Variants in PCSK6 observed in about 807,000 individuals in gnomAD.
PCSK6 encodes proprotein convertase subtilisin/kexin type 6, also known as paired basic amino acid cleaving enzyme 4.
PCSK6 carries 85 observed loss-of-function variants against 123.3 expected under a neutral mutation model. That is an observed-to-expected ratio of 0.69 (90% confidence interval 0.58 to 0.83). The LOEUF (loss-of-function observed/expected upper bound fraction) is 0.83. PCSK6 is among the 40% of genes least tolerant of loss of function. The pLI, the probability that PCSK6 is intolerant of heterozygous loss-of-function variation, is 0.00. For synonymous variants in PCSK6, 508 were observed against 516.0 expected (o/e 0.98, Z 0.21); for missense variants, 1,191 against 1,282.3 (o/e 0.93, Z 1.09).
At chr15:101,368,956 C>G (rs566104127) in intron 12 of PCSK6, among the ~76,000 whole-genome samples, 1 of 152,224 alleles carries the variant, frequency 6.6e-6, no homozygotes, top group African/African-American at 2.4e-5. Flanking sequence ...TGCTCGTGCC[C>G]GTGTGAGACC....
chr15:101,329,375 C>T (rs938184769), intron 15 of PCSK6, among the ~76,000 whole-genome samples: 2 of 152,236 alleles, frequency 1.3e-5, no homozygotes, highest in African/African-American at 4.8e-5. Context: ...GAACAGCACA[C>T]CAGAACCTCA....
chr15:101,432,160 CT>C, intron 2 of PCSK6, 60 bp from the exon 3 acceptor site: 1 of 1,391,838 alleles, frequency 7.2e-7, no homozygotes, highest in East Asian at 2.4e-5. Flanking sequence ...TTTATGTAGC[CT>C]CTTTGCAGGT....
In PCSK6 at chr15:101,476,064, C is replaced by G. The variant is rs111236988; in HGVS notation, c.297+13310G>C. 2.0e-3 allele frequency among the ~76,000 whole-genome samples: 301 copies of G among 152,322 alleles called. 3 individuals are homozygous for G. The highest frequency in any genetic ancestry group is 5.8e-3 in the African/African-American group (241 of 41,580). ...GACTATTCGGGTTCAAATCTTGGCT[C>G]TGGCACCTACAAGTTGTGTAACTGG... is the stretch of plus-strand genomic sequence containing the variant. On this transcript the variant is annotated intron_variant, in intron 1 of 21. Transcript: ENST00000611716.
At chr15:101,455,192 TCC>T (rs1376844473) in intron 1 of PCSK6, among the ~76,000 whole-genome samples, 2 of 152,144 alleles carry the variant, frequency 1.3e-5, no homozygotes, top group African/African-American at 2.4e-5. Flanking sequence ...CTGCATTCTG[TCC>T]CCACCTTTCC....
intron 7 of PCSK6, among the ~76,000 whole-genome samples, chr15:101,394,144 G>T (rs55738067): frequency 0.23 from 31,981 of 141,060 alleles, 4,006 homozygotes; most frequent in East Asian, 0.43. Context: ...TTTGTTTTTT[G>T]TTTTTTTTTT....
At chr15:101,489,340 A>G in intron 1 of PCSK6, 34 bp downstream of exon 1, 1 of 1,112,196 alleles carries the variant, frequency 9.0e-7, no homozygotes, top group Non-Finnish European at 1.1e-6. Context: ...GGCCGCCGGG[A>G]AAGTTTTGGG....
At chr15:101,425,855 G>A (rs1051369100) in intron 6 of PCSK6, among the ~76,000 whole-genome samples, 3 of 152,156 alleles carry the variant, frequency 2.0e-5, no homozygotes, top group African/African-American at 4.8e-5. Context: ...GGATCTTTAT[G>A]CATGTTACTT....
At chr15:101,466,545 G>C (rs1241376606) in intron 1 of PCSK6, among the ~76,000 whole-genome samples, 1 of 152,168 alleles carries the variant, frequency 6.6e-6, no homozygotes, top group Non-Finnish European at 1.5e-5. Context: ...ACTTGCACGT[G>C]AATATCCACA....
intron 9 of PCSK6, among the ~76,000 whole-genome samples, chr15:101,387,389 C>T (rs1041965414): frequency 6.6e-6 from 1 of 152,198 alleles, no homozygotes; most frequent in African/African-American, 2.4e-5. Context: ...TCGAAGACGG[C>T]TACAGCCAGT....
chr15:101,307,867 GT>G (rs1333954447), intron 20 of PCSK6: 1 of 158,188 alleles, frequency 6.3e-6, no homozygotes. Context: ...CTCTCGGACG[GT>G]CCTGGCCCAG....
intron 6 of PCSK6, among the ~76,000 whole-genome samples, chr15:101,403,770 A>G (rs562454066): frequency 3.4e-4 from 52 of 152,202 alleles, no homozygotes; most frequent in African/African-American, 1.2e-3. Flanking sequence ...CCCAGGTTGG[A>G]GGACAGTGGC....
chr15:101,453,128 G>A (rs564531768), intron 1 of PCSK6, among the ~76,000 whole-genome samples: 93 of 152,288 alleles, frequency 6.1e-4, no homozygotes, highest in Admixed American at 2.7e-3. Context: ...GCTGAGAAGC[G>A]GCGACAGACT....
At chr15:101,326,595 GC>G (rs2040259492) in intron 15 of PCSK6, 116 bp from the exon 16 acceptor site, 1 of 984,436 alleles carries the variant, frequency 1.0e-6, no homozygotes, top group Non-Finnish European at 1.5e-6. Context: ...ACGCTCCCAG[GC>G]CCCGCTGGGG....
At chr15:101,402,023 G>A (rs1042106477) in intron 6 of PCSK6, among the ~76,000 whole-genome samples, 5 of 151,830 alleles carry the variant, frequency 3.3e-5, no homozygotes, top group African/African-American at 9.7e-5. Flanking sequence ...CAAACTATAC[G>A]ACAAGGCTAC....
intron 15 of PCSK6, among the ~76,000 whole-genome samples, chr15:101,328,976 T>G (rs1042532658): frequency 6.6e-6 from 1 of 152,268 alleles, no homozygotes; most frequent in African/African-American, 2.4e-5. Flanking sequence ...GCAACCATGA[T>G]GTTTGTGTTG....
At chr15:101,322,763 G>A (rs923408949) in intron 17 of PCSK6, among the ~76,000 whole-genome samples, 156 bp from the exon 18 acceptor site, 35 of 152,184 alleles carry the variant, frequency 2.3e-4, no homozygotes, top group Admixed American at 2.1e-3. Context: ...GCCAGAGGCC[G>A]CTTGTACCTG....
chr15:101,365,856 CA>C (rs1403669248), intron 13 of PCSK6: 1 of 189,998 alleles, frequency 5.3e-6, no homozygotes, highest in African/African-American at 2.3e-5. Flanking sequence ...CCAGGAGAGG[CA>C]AATCCAAAGA....
chr15:101,426,214 A>G (rs2056249934), intron 6 of PCSK6, among the ~76,000 whole-genome samples: 3 of 152,206 alleles, frequency 2.0e-5, no homozygotes, highest in Admixed American at 2.0e-4. Flanking sequence ...ACTTAGCCCA[A>G]GCCGATGGTT....
intron 1 of PCSK6, among the ~76,000 whole-genome samples, 179 bp from the exon 2 acceptor site, chr15:101,443,839 TGG>T (rs2141154142): frequency 6.6e-6 from 1 of 152,344 alleles, no homozygotes; most frequent in South Asian, 2.1e-4. Flanking sequence ...AACGTGAAGG[TGG>T]ATTCAGACAC....
Sources: gnomAD v4.1 joint callset for allele counts (sites outside exome capture counted in the v4.1 genomes callset) on GRCh38, gnomAD v4.1.1 for gene constraint, MANE v1.5 for transcripts, NCBI Gene and HGNC (gene_info 2026-07-23, HGNC 2026-07-21) for gene names.